Variants in SUMF1 observed in about 807,000 individuals in gnomAD.
SUMF1 encodes sulfatase modifying factor 1, also known as formylglycine-generating enzyme.
Under a neutral mutation model 47.6 loss-of-function variants are expected in SUMF1, and 48 were observed. That is an observed-to-expected ratio of 1.01 (90% confidence interval 0.80 to 1.28). The LOEUF is 1.28. Ranked by LOEUF, SUMF1 falls within the 50% of genes most tolerant of loss-of-function variation. The probability of loss-of-function intolerance (pLI) is 0.00; values close to 1 mark genes in which losing one functional copy is unlikely to be tolerated. For missense variants in SUMF1, 571 were observed against 485.4 expected (o/e 1.18, Z -1.66); for synonymous variants, 230 against 192.1 (o/e 1.20, Z -1.63).
At chr3:4,427,220 C>A (rs946601752) in intron 3 of SUMF1, among the ~76,000 whole-genome samples, 4 of 152,174 alleles carry the variant, frequency 2.6e-5, no homozygotes, top group African/African-American at 9.7e-5. Context: ...CAACTGCTCT[C>A]TTAAAAATTA....
At chr3:4,291,495 G>A (rs1697742678) in intron 8 of SUMF1, among the ~76,000 whole-genome samples, 1 of 151,888 alleles carries the variant, frequency 6.6e-6, no homozygotes, top group South Asian at 2.1e-4. Context: ...AATAATTTAT[G>A]CCTCACTTTG....
chr3:4,296,669 G>A (rs987958253), intron 8 of SUMF1, among the ~76,000 whole-genome samples: 10 of 152,160 alleles, frequency 6.6e-5, no homozygotes, highest in Admixed American at 3.3e-4. Context: ...TCCCTCCCAC[G>A]ACACGTGCGG....
intron 8 of SUMF1, among the ~76,000 whole-genome samples, chr3:4,125,912 A>G (rs984636534): frequency 6.6e-6 from 1 of 152,038 alleles, no homozygotes; most frequent in Non-Finnish European, 1.5e-5. Context: ...TCTGGGCTCA[A>G]GTGATCCTCC....
chr3:4,264,206 A>G (rs776020968), intron 8 of SUMF1, among the ~76,000 whole-genome samples: 20 of 152,156 alleles, frequency 1.3e-4, no homozygotes, highest in Non-Finnish European at 2.4e-4. Flanking sequence ...AAAGGCAGCC[A>G]GGATACAACC....
rs141308244 is a variant in SUMF1 at position 4,072,423 on chromosome 3, C to A, written c.1015-3678G>T. Among the ~76,000 whole-genome samples the A allele has an allele frequency of 2.7e-3, 411 of 152,280 alleles. 3 individuals carry two copies. The highest frequency in any genetic ancestry group is 9.4e-3 in the African/African-American group (391 of 41,558). On this transcript the variant is annotated intron_variant and NMD_transcript_variant, in intron 8 of 12. Transcript: ENST00000448413. The stretch of plus-strand genomic sequence containing the variant: ...AATTCCAAAAACCAAAACGCCCCTT[C>A]TCCTCCTGAGGGTCACAACTCCTCA...
At chr3:4,042,723 C>G (rs949286423) in intron 9 of SUMF1, among the ~76,000 whole-genome samples, 2 of 151,908 alleles carry the variant, frequency 1.3e-5, no homozygotes, top group African/African-American at 4.8e-5. Context: ...ATATTTTTTT[C>G]TTTTAGAAAG....
Position 4,458,119 on chromosome 3 carries a change from A to G in SUMF1, c.271-5070T>C, listed in dbSNP as rs375032220. 5.3e-4 allele frequency among the ~76,000 whole-genome samples: 80 copies of G among 152,330 alleles called. 2 individuals carry two copies. The South Asian group carries it at 0.017, about 32-fold the overall frequency. ...AAAGACATACAAATGGCCAACAGAT[A>G]TAAGAAAAAATGCTCTTCACAACTA... is the stretch of plus-strand genomic sequence containing the variant. On this transcript the variant is annotated intron_variant, in intron 1 of 8. Transcript: ENST00000272902.
At chr3:4,146,316 C>T (rs1278234451) in intron 8 of SUMF1, among the ~76,000 whole-genome samples, 1 of 151,664 alleles carries the variant, frequency 6.6e-6, no homozygotes, top group Admixed American at 6.6e-5. Flanking sequence ...AAATGGGGAG[C>T]TTTCAGAGAC....
Position 4,313,518 on chromosome 3 carries a change from T to G in SUMF1, c.1014+62812A>C, listed in dbSNP as rs149661136. On this transcript the variant is annotated intron_variant and NMD_transcript_variant, in intron 8 of 12. Coordinates refer to the SUMF1 transcript ENST00000448413. ...ATATTGTGCCAGAAGAAGAACTCTCTTATGATTATTCAGGAAGATATCTTA... is the reference window on the plus strand; with the variant it reads ...ATATTGTGCCAGAAGAAGAACTCTCGTATGATTATTCAGGAAGATATCTTA... 137 of 1,614,022 alleles carry G rather than the reference T, an allele frequency of 8.5e-5. No individual in the cohort carries two copies. In the East Asian group the frequency reaches 3.0e-3, roughly 35 times the overall value.
intron 8 of SUMF1, among the ~76,000 whole-genome samples, chr3:4,178,782 T>C (rs937426584): frequency 6.6e-6 from 1 of 152,086 alleles, no homozygotes. Flanking sequence ...AATTGTATAT[T>C]TAGAAAACCC....
intron 7 of SUMF1, among the ~76,000 whole-genome samples, chr3:4,388,016 A>G (rs928062345): frequency 2.0e-5 from 3 of 152,096 alleles, no homozygotes; most frequent in African/African-American, 7.2e-5. Context: ...TATATGTTCC[A>G]TGCATAACTG....
intron 8 of SUMF1, among the ~76,000 whole-genome samples, chr3:4,347,045 C>T (rs751787889): frequency 6.6e-6 from 1 of 152,110 alleles, no homozygotes; most frequent in Non-Finnish European, 1.5e-5. Context: ...TAATTAATAG[C>T]CTACCAACTA....
chr3:4,357,855 G>A (rs577226700), downstream of SUMF1, among the ~76,000 whole-genome samples: 4 of 151,816 alleles, frequency 2.6e-5, no homozygotes, highest in Non-Finnish European at 2.9e-5. Context: ...TGATCCACCC[G>A]CCTCGGCCTC....
chr3:4,366,361 C>T (rs186585775), intron 8 of SUMF1, among the ~76,000 whole-genome samples: 28 of 152,284 alleles, frequency 1.8e-4, no homozygotes, highest in Admixed American at 1.2e-3. Flanking sequence ...ACCCATCAGA[C>T]GTAGATTTGG....
intron 8 of SUMF1, among the ~76,000 whole-genome samples, chr3:4,273,176 A>G (rs559021943): frequency 6.6e-6 from 1 of 151,350 alleles, no homozygotes; most frequent in East Asian, 1.9e-4. Flanking sequence ...CCACTCCTAG[A>G]TGGAAGAGAA....
intron 8 of SUMF1, among the ~76,000 whole-genome samples, chr3:4,293,687 G>T (rs753574867): frequency 3.3e-5 from 5 of 152,184 alleles, no homozygotes; most frequent in African/African-American, 4.8e-5. Flanking sequence ...TAGTCAGGCT[G>T]TAAGACTAGC....
At chr3:4,056,682 C>G (rs1695196704) in intron 9 of SUMF1, among the ~76,000 whole-genome samples, 1 of 152,008 alleles carries the variant, frequency 6.6e-6, no homozygotes, top group Non-Finnish European at 1.5e-5. Flanking sequence ...CAATGTTTAG[C>G]TCTGGGTAAT....
At chr3:4,210,665 G>A (rs1409080266) in intron 8 of SUMF1, among the ~76,000 whole-genome samples, 1 of 152,004 alleles carries the variant, frequency 6.6e-6, no homozygotes, top group Non-Finnish European at 1.5e-5. Flanking sequence ...TTTTTACACA[G>A]GTAAACTTGT....
chr3:4,156,126 T>C (rs1694446785), intron 8 of SUMF1, among the ~76,000 whole-genome samples: 1 of 151,522 alleles, frequency 6.6e-6, no homozygotes, highest in South Asian at 2.1e-4. Flanking sequence ...CACCATAAAG[T>C]AGCCTGGTCC....
Sources: gnomAD v4.1 joint callset for allele counts (sites outside exome capture counted in the v4.1 genomes callset) on GRCh38, gnomAD v4.1.1 for gene constraint, MANE v1.5 for transcripts, NCBI Gene and HGNC (gene_info 2026-07-23, HGNC 2026-07-21) for gene names.